Variants in MARCHF4 observed in about 807,000 individuals in gnomAD.
MARCHF4 encodes E3 ubiquitin-protein ligase MARCHF4.
A neutral mutation model predicts 43.9 loss-of-function variants in MARCHF4; 14 were observed. That is an observed-to-expected ratio of 0.32 (90% CI 0.21 to 0.50). The LOEUF (loss-of-function observed/expected upper bound fraction) is 0.50, where lower values mean the gene tolerates loss of function less well. MARCHF4 is among the 20% of genes least tolerant of loss of function. The pLI, the probability that MARCHF4 is intolerant of heterozygous loss-of-function variation, is 0.98. For synonymous variants in MARCHF4, 226 were observed against 213.3 expected (o/e 1.06, Z -0.52); for missense variants, 468 against 536.7 (o/e 0.87, Z 1.27).
At chr2:216,289,071 ATTTT>A in intron 1 of MARCHF4, among the ~76,000 whole-genome samples, 2 of 146,136 alleles carry the variant, frequency 1.4e-5, no homozygotes, top group Non-Finnish European at 3.0e-5. Flanking sequence ...ATATATATTT[ATTTT>A]TATTTATTTA....
At chr2:216,275,910 G>A (rs890902259) in intron 3 of MARCHF4, among the ~76,000 whole-genome samples, 1 of 152,170 alleles carries the variant, frequency 6.6e-6, no homozygotes, top group African/African-American at 2.4e-5. Flanking sequence ...AGCACACCCA[G>A]TAGTCCCTGC....
intron 1 of MARCHF4, among the ~76,000 whole-genome samples, chr2:216,321,142 G>T (rs1020774644): frequency 2.0e-5 from 3 of 152,048 alleles, no homozygotes; most frequent in African/African-American, 7.2e-5. Flanking sequence ...CCTACTGTCT[G>T]TAGGAAACTC....
chr2:216,278,261 T>C (rs1344925608), intron 2 of MARCHF4, among the ~76,000 whole-genome samples: 1 of 152,212 alleles, frequency 6.6e-6, no homozygotes. Context: ...GTCTTTGCTC[T>C]GTCGCCGGCT....
chr2:216,263,913 CAG>C (rs1690800810), intron 3 of MARCHF4, among the ~76,000 whole-genome samples: 1 of 152,256 alleles, frequency 6.6e-6, no homozygotes, highest in East Asian at 1.9e-4. Flanking sequence ...GATGCTGGTG[CAG>C]AGAGTGAGGC....
intron 1 of MARCHF4, among the ~76,000 whole-genome samples, chr2:216,292,791 G>C (rs1420289005): frequency 2.0e-5 from 3 of 152,154 alleles, no homozygotes; most frequent in Admixed American, 6.5e-5. Context: ...ATAGAAATAA[G>C]CTAGGAGAAA....
At chr2:216,326,699 A>G (rs1050888047) in intron 1 of MARCHF4, among the ~76,000 whole-genome samples, 1 of 152,080 alleles carries the variant, frequency 6.6e-6, no homozygotes, top group African/African-American at 2.4e-5. Context: ...TTCTCAGTAA[A>G]CTATCGCAAG....
chr2:216,302,897 CAAAAA>C (rs201503998), intron 1 of MARCHF4, among the ~76,000 whole-genome samples: 1 of 78,360 alleles, frequency 1.3e-5, no homozygotes, highest in African/African-American at 8.1e-5. Context: ...GACTCTGTAT[CAAAAA>C]AAAAAAAAAA....
At chr2:216,317,698 G>A (rs567854324) in intron 1 of MARCHF4, among the ~76,000 whole-genome samples, 31 of 152,334 alleles carry the variant, frequency 2.0e-4, no homozygotes, top group African/African-American at 4.8e-4. Context: ...ACAGGCATGA[G>A]CCACCATGCC....
chr2:216,341,719 C>G (rs57092532), intron 1 of MARCHF4, among the ~76,000 whole-genome samples: 8,538 of 152,234 alleles, frequency 0.056, 811 homozygotes, highest in African/African-American at 0.19. Flanking sequence ...ACAACTGGAC[C>G]TGCATAGACA....
Position 216,259,343 on chromosome 2 carries a change from C to A in MARCHF4, c.1202G>T (p.Arg401Leu). Residue 401 changes from arginine (R) to leucine (L), a missense_variant, in exon 4 of 4, where the codon CGA becomes CTA. This residue lies in a region of MARCHF4 where 120 missense variants were observed against 127.1 expected (regional missense o/e 0.94). Coordinates refer to ENST00000273067, the MANE Select transcript of MARCHF4 (RefSeq NM_020814.3). ...HEQRSPPGSSRELVMRVTTV is the reference protein window; with the variant it reads ...HEQRSPPGSSLELVMRVTTV ...TGTCGTGACTCTCATGACCAGCTCT[C>A]GGCTGCTGCCTGGGGGACTTCGCTG... 1.3e-6 allele frequency: 2 copies of A among 1,571,574 alleles called. No individual in the cohort carries two copies. The highest frequency in any genetic ancestry group is 1.2e-5 in the South Asian group (1 of 83,976).
At chr2:216,306,849 T>C (rs763274827) in intron 1 of MARCHF4, among the ~76,000 whole-genome samples, 15 of 152,214 alleles carry the variant, frequency 9.9e-5, no homozygotes, top group East Asian at 1.9e-4. Flanking sequence ...TCCTTTTTTT[T>C]CCCCTACTGT....
At chr2:216,352,082 G>T (rs1692412081) in intron 1 of MARCHF4, among the ~76,000 whole-genome samples, 1 of 152,192 alleles carries the variant, frequency 6.6e-6, no homozygotes, top group Admixed American at 6.5e-5. Context: ...GATCTGGAAT[G>T]AAAGTATGCA....
In MARCHF4 at chr2:216,300,375, A is replaced by G. The variant is rs571489670; in HGVS notation, c.517-16646T>C. 3.7e-3 allele frequency among the ~76,000 whole-genome samples: 485 copies of G among 132,376 alleles called. 5 individuals are homozygous for G. The highest frequency in any genetic ancestry group is 0.017 in the African/African-American group (452 of 26,182). The allele number at this position is 132,376 out of a possible 152,430, so 86.8% of individuals were successfully genotyped here. On this transcript the variant is annotated intron_variant, in intron 1 of 3. Transcript: ENST00000273067. Reference sequence around the variant, plus strand: ...GTATATATATATATATATATGACTTACTCTGTCATCCAGGTGAGAGTGCAG... The same window carrying G: ...GTATATATATATATATATATGACTTGCTCTGTCATCCAGGTGAGAGTGCAG...
chr2:216,295,145 C>A (rs541059637), intron 1 of MARCHF4, among the ~76,000 whole-genome samples: 1 of 152,296 alleles, frequency 6.6e-6, no homozygotes, highest in East Asian at 1.9e-4. Flanking sequence ...TGGGTTGAAT[C>A]CTTGCTGACC....
chr2:216,342,581 C>A (rs1692254510), intron 1 of MARCHF4, among the ~76,000 whole-genome samples: 1 of 151,940 alleles, frequency 6.6e-6, no homozygotes, highest in African/African-American at 2.4e-5. Flanking sequence ...GGGGTGTGAA[C>A]CTGCATGGAG....
rs76197718 is a variant in MARCHF4 at position 216,343,174 on chromosome 2, G to A, written c.516+26571C>T. Among the ~76,000 whole-genome samples, 306 of 152,314 alleles carry A rather than the reference G, an allele frequency of 2.0e-3. 1 individual carries two copies. Among genetic ancestry groups the A allele is most frequent in the African/African-American group, 7.1e-3 (295 of 41,560 alleles). On this transcript the variant is annotated intron_variant, in intron 1 of 3. Coordinates refer to ENST00000273067, the MANE Select transcript of MARCHF4 (RefSeq NM_020814.3). The stretch of plus-strand genomic sequence containing the variant: ...GGCAATAGAGAGCCATGGAAGATTT[G>A]CTAGTGGGGTATCTGTCTTAGTTTG...
At chr2:216,338,297 A>C (rs1228901071) in intron 1 of MARCHF4, among the ~76,000 whole-genome samples, 1 of 148,858 alleles carries the variant, frequency 6.7e-6, no homozygotes, top group Non-Finnish European at 1.5e-5. Context: ...CTCCCAGAGC[A>C]CTGACCCCGG....
At chr2:216,262,477 G>A (rs895930932) in intron 3 of MARCHF4, among the ~76,000 whole-genome samples, 2 of 152,222 alleles carry the variant, frequency 1.3e-5, no homozygotes, top group Admixed American at 6.5e-5. Flanking sequence ...AATACGAAAG[G>A]TATAAGGAAT....
intron 1 of MARCHF4, among the ~76,000 whole-genome samples, chr2:216,339,331 C>G (rs994851293): frequency 1.3e-5 from 2 of 152,186 alleles, no homozygotes; most frequent in African/African-American, 4.8e-5. Flanking sequence ...CTCCACCCTC[C>G]TACTTCCCAT....
Sources: gnomAD v4.1 joint callset for allele counts (sites outside exome capture counted in the v4.1 genomes callset) on GRCh38, gnomAD v4.1.1 for gene constraint, gnomAD v4.1.1 regional missense constraint, MANE v1.5 for transcripts, NCBI Gene and HGNC (gene_info 2026-07-23, HGNC 2026-07-21) for gene names.